Variants in SKIC3 observed in about 807,000 individuals in gnomAD.
SKIC3 encodes the protein superkiller complex protein 3.
At chr5:95,492,494 G>A in the SKIC3 span, among the ~76,000 whole-genome samples, 1 of 146,968 alleles carries the variant, frequency 6.8e-6, no homozygotes, top group African/African-American at 2.5e-5. Context: ...AAAATTAGCC[G>A]GGCGTAGTGG....
At chr5:95,535,331 T>G in the SKIC3 span, among the ~76,000 whole-genome samples, 1 of 127,096 alleles carries the variant, frequency 7.9e-6, no homozygotes, top group South Asian at 2.6e-4. Flanking sequence ...TTTTTTTTTT[T>G]GAGGAGTCTC....
chr5:95,490,403 T>C, the SKIC3 span, among the ~76,000 whole-genome samples: 8 of 148,232 alleles, frequency 5.4e-5, no homozygotes, highest in East Asian at 1.6e-3. Context: ...AATGAATATA[T>C]ATATATACAT....
the SKIC3 span, chr5:95,467,818 T>C: frequency 6.2e-7 from 1 of 1,610,246 alleles, no homozygotes; most frequent in Non-Finnish European, 8.5e-7. Context: ...TAAAACATTT[T>C]AAATAAAATC....
the SKIC3 span, chr5:95,541,724 G>T: frequency 1.1e-6 from 1 of 914,488 alleles, no homozygotes; most frequent in Non-Finnish European, 1.7e-6. Flanking sequence ...GCAATTCCCA[G>T]TAAATGCTGG....
At chr5:95,540,709 T>C in the SKIC3 span, 8 of 1,614,130 alleles carry the variant, frequency 5.0e-6, no homozygotes, top group Non-Finnish European at 5.1e-6. Flanking sequence ...AGTTTCATTA[T>C]TCTGGTCCTC....
chr5:95,472,185 C>T, the SKIC3 span, among the ~76,000 whole-genome samples: 1 of 152,242 alleles, frequency 6.6e-6, no homozygotes, highest in Non-Finnish European at 1.5e-5. Flanking sequence ...AACCCACTCT[C>T]ACCACTGGCA....
the SKIC3 span, chr5:95,503,871 T>A: frequency 5.0e-6 from 8 of 1,614,012 alleles, no homozygotes; most frequent in Non-Finnish European, 6.8e-6. Flanking sequence ...AAACCTATGA[T>A]GTCTTCTAAC....
chr5:95,530,074 A>G, the SKIC3 span: 1 of 1,611,990 alleles, frequency 6.2e-7, no homozygotes, highest in Non-Finnish European at 8.5e-7. Context: ...TACATGCCAT[A>G]CACTGTACAT....
the SKIC3 span, chr5:95,506,868 G>A: frequency 5.4e-6 from 8 of 1,491,844 alleles, no homozygotes; most frequent in African/African-American, 1.4e-5. Context: ...CATATCAGCA[G>A]TCCCATAGCT....
chr5:95,473,544 G>A, the SKIC3 span, among the ~76,000 whole-genome samples: 1 of 152,126 alleles, frequency 6.6e-6, no homozygotes, highest in Non-Finnish European at 1.5e-5. Context: ...CCAAAGTGCT[G>A]GGATTACAGG....
chr5:95,517,028 G>A, the SKIC3 span: 3 of 1,613,486 alleles, frequency 1.9e-6, no homozygotes, highest in Middle Eastern at 1.6e-4. Context: ...TGTATTAGAT[G>A]TAGACATCAG....
chr5:95,528,269 A>G, the SKIC3 span: 1 of 1,225,770 alleles, frequency 8.2e-7, no homozygotes, highest in Admixed American at 1.8e-5. Flanking sequence ...TTCCAAAACA[A>G]TATACATGAA....
At chr5:95,508,127 A>C in the SKIC3 span, among the ~76,000 whole-genome samples, 1 of 152,154 alleles carries the variant, frequency 6.6e-6, no homozygotes, top group Non-Finnish European at 1.5e-5. Context: ...TAACTTCTTG[A>C]TTACACAGGC....
At chr5:95,484,104 T>C in the SKIC3 span, among the ~76,000 whole-genome samples, 33,577 of 152,036 alleles carry the variant, frequency 0.22, 4,658 homozygotes, top group African/African-American at 0.39. Flanking sequence ...ACTCTATCCA[T>C]TCCTAATTGT....
the SKIC3 span, chr5:95,513,241 T>C: frequency 1.5e-5 from 4 of 272,266 alleles, no homozygotes; most frequent in South Asian, 1.2e-4. Context: ...AGAATCTTGC[T>C]CTGTTGCCCA....
the SKIC3 span, chr5:95,498,434 C>G: frequency 1.2e-6 from 2 of 1,614,142 alleles, no homozygotes; most frequent in Admixed American, 3.3e-5. Context: ...GCATAAATCG[C>G]TGATGTAAGA....
At chr5:95,479,385 T>C in the SKIC3 span, among the ~76,000 whole-genome samples, 1 of 152,132 alleles carries the variant, frequency 6.6e-6, no homozygotes, top group African/African-American at 2.4e-5. Context: ...ACTTTGTCAA[T>C]TGTCCCCAAA....
the SKIC3 span, chr5:95,491,133 A>T: frequency 9.3e-6 from 14 of 1,505,990 alleles, no homozygotes; most frequent in Non-Finnish European, 1.3e-5. Flanking sequence ...AGTTAAAAAA[A>T]AATTGTATCT....
the SKIC3 span, chr5:95,523,689 G>GCAGCTCCAGATT: frequency 6.2e-7 from 1 of 1,613,594 alleles, no homozygotes; most frequent in Admixed American, 1.7e-5. Flanking sequence ...GTCAACTGCT[G>GCAGCTCCAGATT]CAGCTCCAGA....
Sources: gnomAD v4.1 joint callset for allele counts (sites outside exome capture counted in the v4.1 genomes callset) on GRCh38, gnomAD v4.1.1 for gene constraint, MANE v1.5 for transcripts, NCBI Gene and HGNC (gene_info 2026-07-23, HGNC 2026-07-21) for gene names.